The following EYS variants were observed in gnomAD, a reference collection of about 807,000 sequenced individuals.
EYS encodes EGF-like photoreceptor maintenance factor, also known as protein eyes shut homolog.
A neutral mutation model predicts 282.1 loss-of-function variants in EYS; 250 were observed. The observed-to-expected ratio is 0.89, with a 90% CI of 0.80 to 0.98. EYS has a LOEUF of 0.98. EYS is among the 50% of genes least tolerant of loss of function. The probability of loss-of-function intolerance (pLI) is 0.00; values close to 1 mark genes in which losing one functional copy is unlikely to be tolerated. For synonymous variants in EYS, 1,355 were observed against 1,282.9 expected, an observed-to-expected ratio of 1.06 and a Z score of -1.20; for missense variants, 4,016 against 3,709.0, an observed-to-expected ratio of 1.08 and a Z score of -2.15.
At chr6:65,156,790 A>G (rs1208436731) in intron 12 of EYS, among the ~76,000 whole-genome samples, 1 of 150,944 alleles carries the variant, frequency 6.6e-6, no homozygotes, top group Non-Finnish European at 1.5e-5. Context: ...ATCATCTACC[A>G]ACATCTTCAT....
At chr6:65,645,808 G>A (rs947160064) in intron 1 of EYS, among the ~76,000 whole-genome samples, 11 of 151,964 alleles carry the variant, frequency 7.2e-5, no homozygotes, top group Admixed American at 2.6e-4. Context: ...GAAGAGAGAA[G>A]TTTGAAGTAT....
intron 26 of EYS, among the ~76,000 whole-genome samples, chr6:64,582,284 C>T (rs978113188): frequency 1.3e-5 from 2 of 152,142 alleles, no homozygotes; most frequent in Non-Finnish European, 2.9e-5. Context: ...ACATTAGATT[C>T]TCATTGGAGG....
intron 19 of EYS, among the ~76,000 whole-genome samples, chr6:64,832,534 A>G (rs1009426190): frequency 3.3e-5 from 5 of 151,842 alleles, no homozygotes; most frequent in African/African-American, 1.2e-4. Context: ...TATAGTACCT[A>G]TAGTTACCAA....
intron 33 of EYS, among the ~76,000 whole-genome samples, chr6:64,001,397 A>G (rs2149804303): frequency 6.6e-6 from 1 of 152,374 alleles, no homozygotes. Flanking sequence ...ATGGAATTCA[A>G]AATCAAATAC....
At chr6:64,482,779 C>CA (rs1488380823) in intron 26 of EYS, among the ~76,000 whole-genome samples, 6 of 151,710 alleles carry the variant, frequency 4.0e-5, no homozygotes, top group Non-Finnish European at 3.0e-5. Context: ...TAACATCTTA[C>CA]AAAAAGTGTT....
In EYS at chr6:65,490,718, G is replaced by A. The variant is rs889066212; in HGVS notation, c.749-11C>T. On this transcript the variant is annotated splice_polypyrimidine_tract_variant and intron_variant, in intron 4 of 42. Coordinates refer to ENST00000503581, the MANE Select transcript of EYS (RefSeq NM_001142800.2). ...CTGAGCAATTCTTTCCTATAACAAT[G>A]AAAAAAAGTTTTTTTTACATTGGAT... The A allele has an allele frequency of 6.3e-7, 1 of 1,575,382 alleles. No individual in the cohort carries two copies. Among genetic ancestry groups the A allele is most frequent in the Non-Finnish European group, 8.7e-7 (1 of 1,146,308 alleles).
intron 31 of EYS, among the ~76,000 whole-genome samples, chr6:64,228,667 A>T (rs1273696685): frequency 6.6e-6 from 1 of 152,180 alleles, no homozygotes; most frequent in Admixed American, 6.6e-5. Context: ...AAAATGATTA[A>T]TAATATGAAA....
At chr6:64,815,368 G>A in intron 21 of EYS, 1 of 229,784 alleles carries the variant, frequency 4.4e-6, no homozygotes, top group Non-Finnish European at 9.1e-6. Context: ...TTCTAGATAT[G>A]TATAGAATGA....
At chr6:64,451,411 G>T (rs1168766421) in intron 26 of EYS, among the ~76,000 whole-genome samples, 1 of 152,144 alleles carries the variant, frequency 6.6e-6, no homozygotes, top group Non-Finnish European at 1.5e-5. Flanking sequence ...TGGATTCACA[G>T]CCGAATTCTA....
intron 24 of EYS, among the ~76,000 whole-genome samples, chr6:64,607,681 C>T (rs897108895): frequency 1.3e-5 from 2 of 152,044 alleles, no homozygotes; most frequent in African/African-American, 2.4e-5. Flanking sequence ...AATAGATAAG[C>T]TAATCTTTAT....
chr6:64,518,047 G>T (rs1777617617), intron 26 of EYS, among the ~76,000 whole-genome samples: 1 of 151,756 alleles, frequency 6.6e-6, no homozygotes, highest in Non-Finnish European at 1.5e-5. Context: ...TGCCCTACAA[G>T]GCTGGCCTCA....
chr6:64,127,506 G>T (rs1010560182), intron 31 of EYS, among the ~76,000 whole-genome samples: 1 of 151,928 alleles, frequency 6.6e-6, no homozygotes. Context: ...TTTCTCTACG[G>T]ATTTGTTTAT....
chr6:64,190,029 A>G (rs897199704), intron 31 of EYS, among the ~76,000 whole-genome samples: 6 of 152,182 alleles, frequency 3.9e-5, no homozygotes, highest in Non-Finnish European at 7.3e-5. Context: ...ATTGATGCCT[A>G]TTGCTAGCTA....
intron 31 of EYS, among the ~76,000 whole-genome samples, chr6:64,216,495 C>A (rs1380293399): frequency 2.0e-5 from 3 of 152,138 alleles, no homozygotes; most frequent in Non-Finnish European, 4.4e-5. Context: ...TTCAAGTGGT[C>A]ATAGGGGGAT....
chr6:65,577,114 A>C (rs2127357312), intron 2 of EYS, among the ~76,000 whole-genome samples: 1 of 151,928 alleles, frequency 6.6e-6, no homozygotes, highest in East Asian at 1.9e-4. Context: ...TAATAGCCAA[A>C]GCAATCTTGA....
chr6:64,070,987 A>C (rs1191983257), intron 32 of EYS, among the ~76,000 whole-genome samples: 2 of 152,078 alleles, frequency 1.3e-5, no homozygotes, highest in Admixed American at 6.6e-5. Flanking sequence ...ATACACTCGG[A>C]GTATCCCTGT....
intron 2 of EYS, among the ~76,000 whole-genome samples, chr6:65,580,829 G>A (rs2127360225): frequency 6.6e-6 from 1 of 152,070 alleles, no homozygotes; most frequent in South Asian, 2.1e-4. Context: ...AAAACTTCAA[G>A]TGTCATGTCT....
chr6:65,596,694 T>C (rs1246987149), intron 2 of EYS, among the ~76,000 whole-genome samples: 1 of 151,982 alleles, frequency 6.6e-6, no homozygotes, highest in Non-Finnish European at 1.5e-5. Flanking sequence ...ATGCCAAATA[T>C]GTCAGTAGGC....
chr6:63,825,727 C>A (rs1771442664), intron 36 of EYS, among the ~76,000 whole-genome samples: 1 of 152,158 alleles, frequency 6.6e-6, no homozygotes, highest in African/African-American at 2.4e-5. Context: ...CCCCATGGGA[C>A]AAAATGATCT....
Sources: allele counts gnomAD v4.1 joint callset (sites outside exome capture counted in the v4.1 genomes callset), GRCh38; gene constraint gnomAD v4.1.1; transcripts MANE v1.5; gene names NCBI Gene and HGNC (gene_info 2026-07-23, HGNC 2026-07-21).